ZNF860: variants seen among roughly 807,000 people sequenced by gnomAD.
ZNF860 encodes zinc finger protein 860.
For missense variants in ZNF860, 641 were observed against 759.2 expected (o/e 0.84, Z 1.83); for synonymous variants, 206 against 248.9 (o/e 0.83, Z 1.62).
intron 1 of ZNF860, among the ~76,000 whole-genome samples, chr3:31,984,335 G>A (rs906905371): frequency 1.3e-5 from 2 of 151,408 alleles, no homozygotes; most frequent in African/African-American, 2.4e-5. Context: ...CCACCGTACC[G>A]GGCCCACCTA....
At chr3:31,997,412 G>A in the ZNF860 span, among the ~76,000 whole-genome samples, 62 of 151,626 alleles carry the variant, frequency 4.1e-4, no homozygotes, top group South Asian at 9.6e-3. Flanking sequence ...TTACAAGCAC[G>A]AGCCACCACA....
intron 1 of ZNF860, among the ~76,000 whole-genome samples, chr3:31,982,872 G>A (rs756335407): frequency 2.0e-5 from 3 of 152,174 alleles, no homozygotes; most frequent in Non-Finnish European, 4.4e-5. Context: ...CCTCCACATG[G>A]ACCTTAGGCT....
chr3:31,987,243 T>C (rs1043990875), intron 1 of ZNF860, among the ~76,000 whole-genome samples: 1 of 152,158 alleles, frequency 6.6e-6, no homozygotes, highest in African/African-American at 2.4e-5. Flanking sequence ...ACTTTCTAAT[T>C]TACCTTGTTC....
Position 31,991,251 on chromosome 3 carries a change from T to G in ZNF860, c.*273T>G, listed in dbSNP as rs13094125. 98,982 of 370,706 alleles carry G rather than the reference T, an allele frequency of 0.27. 19,016 individuals are homozygous for G. Among genetic ancestry groups the G allele is most frequent in the African/African-American group, 0.69 (32,569 of 47,498 alleles). 23.0% of individuals were successfully genotyped at this position (370,706 alleles called of 1,614,324 possible). A position where few individuals can be genotyped will look rare whatever the true frequency, so the allele number is the denominator to read the frequency against. On this transcript the variant is annotated 3_prime_UTR_variant, in exon 2 of 2. Transcript: ENST00000360311. ...ACTTGAGGTCAGGAGTTTGAGACCA[T>G]CCTGGCCAAAAGACGTGAGCCACTT... is the stretch of plus-strand genomic sequence containing the variant.
At chr3:31,997,120 G>A in the ZNF860 span, among the ~76,000 whole-genome samples, 1 of 152,134 alleles carries the variant, frequency 6.6e-6, no homozygotes, top group South Asian at 2.1e-4. Flanking sequence ...CACACATTAT[G>A]CAGTAAATTA....
At chr3:31,993,681 T>TACGC (rs1553647720), downstream of ZNF860, among the ~76,000 whole-genome samples, 31 of 147,312 alleles carry the variant, frequency 2.1e-4, no homozygotes, top group African/African-American at 7.5e-4. Context: ...TACACACACA[T>TACGC]ACACACACAC....
the ZNF860 span, among the ~76,000 whole-genome samples, chr3:32,004,200 G>A: frequency 6.6e-6 from 1 of 152,178 alleles, no homozygotes; most frequent in Non-Finnish European, 1.5e-5. Context: ...GATCCTGTTA[G>A]AGTGGTGACA....
the ZNF860 span, among the ~76,000 whole-genome samples, chr3:31,999,939 T>TA: frequency 4.7e-4 from 71 of 152,306 alleles, no homozygotes; most frequent in African/African-American, 1.6e-3. Context: ...AAAATGTTCA[T>TA]AAGAGCCTCT....
chr3:31,990,164 G>T lies in ZNF860; in HGVS notation c.1085G>T (p.Arg362Ile). ...GATTCACACCTCACACAACACACTA[G>T]AATTCACACTGGAGAGAAACCTTAC... ...RRDSHLTQHT[R>I]IHTGEKPYKC... Residue 362 changes from arginine (R) to isoleucine (I), a missense_variant, in exon 2 of 2, where the codon AGA (arginine) becomes ATA (isoleucine). By Grantham distance (97) the Arg-to-Ile change is moderately conservative. Transcript: ENST00000360311. 2 of 1,611,820 alleles carry T rather than the reference G, an allele frequency of 1.2e-6. No individual in the cohort carries two copies. Among genetic ancestry groups the T allele is most frequent in the Non-Finnish European group, 1.7e-6 (2 of 1,178,696 alleles).
rs766601221 is a variant in ZNF860, at chr3:31,989,777, A to G, written c.698A>G (p.Asn233Ser). The G allele has an allele frequency of 3.1e-6, 5 of 1,614,078 alleles. No individual in the cohort carries two copies. The highest frequency in any genetic ancestry group is 4.2e-6 in the Non-Finnish European group (5 of 1,180,034). The change falls in exon 2 of 2, where the codon AAT becomes AGT. Residue 233 changes from asparagine (N) to serine (S), a missense_variant. Asn to Ser is a conservative substitution (Grantham distance 46). Transcript: ENST00000360311. The part of the protein sequence containing the change: ...VHIREKSFQC[N>S]ESGKAFNCSS... Reference sequence around the variant, plus strand: ...ATAAGAGAAAAATCTTTCCAATGTAATGAGAGTGGCAAAGCCTTTAATTGT... The same window carrying G: ...ATAAGAGAAAAATCTTTCCAATGTAGTGAGAGTGGCAAAGCCTTTAATTGT...
chr3:31,983,224 T>C (rs953548274), intron 1 of ZNF860, among the ~76,000 whole-genome samples: 1 of 152,222 alleles, frequency 6.6e-6, no homozygotes, highest in African/African-American at 2.4e-5. Flanking sequence ...TGCATTGACA[T>C]ACAGACTGAA....
intron 1 of ZNF860, among the ~76,000 whole-genome samples, chr3:31,987,281 C>T (rs937686745): frequency 2.0e-5 from 3 of 152,140 alleles, no homozygotes; most frequent in East Asian, 1.9e-4. Context: ...AGACAATTTC[C>T]TTTAGAGCTA....
At chr3:31,994,491 A>AGGAT (rs200832488), downstream of ZNF860, among the ~76,000 whole-genome samples, 12,075 of 149,680 alleles carry the variant, frequency 0.081, 517 homozygotes, top group Admixed American at 0.091. Context: ...AGGGAAAAAA[A>AGGAT]GGATGGATGG....
chr3:32,003,965 A>T, the ZNF860 span, among the ~76,000 whole-genome samples: 1 of 152,136 alleles, frequency 6.6e-6, no homozygotes, highest in Non-Finnish European at 1.5e-5. Context: ...CAACAGCTGG[A>T]TTTGGGAAAG....
chr3:31,986,386 G>A (rs1195749652), intron 1 of ZNF860: 1 of 152,144 alleles, frequency 6.6e-6, no homozygotes, highest in Non-Finnish European at 1.5e-5. Context: ...CATCCAGTGG[G>A]AAGAAGAAAA....
At chr3:31,998,569 T>G in the ZNF860 span, among the ~76,000 whole-genome samples, 1 of 152,250 alleles carries the variant, frequency 6.6e-6, no homozygotes. Flanking sequence ...AAATTCCAGT[T>G]TCCTTATCTG....
intron 1 of ZNF860, among the ~76,000 whole-genome samples, chr3:31,985,894 AT>A (rs1698927144): frequency 6.6e-6 from 1 of 152,230 alleles, no homozygotes; most frequent in South Asian, 2.1e-4. Flanking sequence ...TCTTACTCCC[AT>A]TTTACAGGCA....
intron 1 of ZNF860, among the ~76,000 whole-genome samples, chr3:31,987,901 C>G (rs2125517569): frequency 6.6e-6 from 1 of 152,234 alleles, no homozygotes; most frequent in South Asian, 2.1e-4. Flanking sequence ...CAGGGGAAAA[C>G]ATAGGAAAAA....
At position 31,981,937 on chromosome 3, in the gene ZNF860, A is replaced by G. The variant is rs1321448092; in HGVS notation, c.-421+35A>G. On this transcript the variant is annotated intron_variant, in intron 1 of 1. Coordinates refer to ENST00000360311, the MANE Select transcript of ZNF860 (RefSeq NM_001137674.3). This position sits in a 1 kb window ranked among gnomAD's most constrained non-coding sequence, Gnocchi z 4.5. ...CCGGGCATTTTCATGCAGCAGGATT[A>G]TGATAAATGCTTAACAGACACACGG... 2 of 152,230 alleles carry G rather than the reference A, an allele frequency of 1.3e-5. No homozygotes were observed. Among genetic ancestry groups the G allele is most frequent in the South Asian group, 2.1e-4 (1 of 4,832 alleles). 9.4% of individuals were successfully genotyped at this position (152,230 alleles called of 1,614,324 possible). A position where few individuals can be genotyped will look rare whatever the true frequency, so the allele number is the denominator to read the frequency against.
Sources: allele counts gnomAD v4.1 joint callset (sites outside exome capture counted in the v4.1 genomes callset), GRCh38; gene constraint gnomAD v4.1.1; non-coding constraint Gnocchi (gnomAD v3.1); transcripts MANE v1.5; gene names NCBI Gene and HGNC (gene_info 2026-07-23, HGNC 2026-07-21).